The following AK5 variants were observed in gnomAD, a reference collection of about 807,000 sequenced individuals.
AK5 encodes adenylate kinase isoenzyme 5.
Under a neutral mutation model 69.5 loss-of-function variants are expected in AK5, and 27 were observed. The observed-to-expected ratio is 0.39, with a 90% CI of 0.29 to 0.54. The LOEUF (loss-of-function observed/expected upper bound fraction) is 0.54. Ranked by LOEUF, AK5 falls within the 20% of genes least tolerant of loss-of-function variation. AK5 has a pLI of 0.71. For missense variants in AK5, 531 were observed against 700.4 expected, an observed-to-expected ratio of 0.76 and a Z score of 2.73; for synonymous variants, 260 against 244.4, an observed-to-expected ratio of 1.06 and a Z score of -0.60.
At chr1:77,338,057 C>T (rs957356967) in intron 5 of AK5, among the ~76,000 whole-genome samples, 4 of 151,876 alleles carry the variant, frequency 2.6e-5, no homozygotes, top group Admixed American at 1.3e-4. Context: ...CTCCGCTTCC[C>T]GGGTTCAAGT....
intron 5 of AK5, among the ~76,000 whole-genome samples, chr1:77,315,317 T>A (rs773893245): frequency 3.3e-5 from 5 of 152,136 alleles, no homozygotes; most frequent in African/African-American, 4.8e-5. Context: ...CATACTTTTT[T>A]GGTCATGCAT....
chr1:77,355,546 C>G (rs1179286389), intron 6 of AK5, among the ~76,000 whole-genome samples: 1 of 152,114 alleles, frequency 6.6e-6, no homozygotes, highest in African/African-American at 2.4e-5. Context: ...ACCTCATCAC[C>G]CTGTCTTGAC....
chr1:77,347,731 C>G (rs1661985729), intron 6 of AK5, among the ~76,000 whole-genome samples: 1 of 152,174 alleles, frequency 6.6e-6, no homozygotes, highest in Non-Finnish European at 1.5e-5. Flanking sequence ...CATCCACTGT[C>G]CTGGGCAGCA....
intron 5 of AK5, among the ~76,000 whole-genome samples, chr1:77,316,471 A>G (rs1328589346): frequency 6.6e-6 from 1 of 152,148 alleles, no homozygotes; most frequent in Non-Finnish European, 1.5e-5. Context: ...AACTAGATAA[A>G]TATGGTTTTT....
intron 12 of AK5, among the ~76,000 whole-genome samples, chr1:77,531,752 G>A (rs1570320001): frequency 6.6e-6 from 1 of 151,064 alleles, no homozygotes; most frequent in South Asian, 2.1e-4. Flanking sequence ...CCAGTCCCGC[G>A]CCCTGCGCCC....
At chr1:77,444,278 C>T (rs1325966085) in intron 8 of AK5, among the ~76,000 whole-genome samples, 4 of 42,690 alleles carry the variant, frequency 9.4e-5, no homozygotes, top group East Asian at 8.9e-4. Context: ...AGTATATATA[C>T]ACAACATATG....
In AK5 at chr1:77,512,210, C is replaced by T. The variant is rs550545332; in HGVS notation, c.1148-6354C>T. Among the ~76,000 whole-genome samples, 7 of 152,224 alleles carry T rather than the reference C, an allele frequency of 4.6e-5. No homozygotes were observed. The East Asian group carries it at 7.7e-4, about 17-fold the overall frequency. ...AACTAGATACGTATATCTTCACATACGCTGTCACATATATACGTATGTGTG... is the reference window on the plus strand; with the variant it reads ...AACTAGATACGTATATCTTCACATATGCTGTCACATATATACGTATGTGTG... On this transcript the variant is annotated intron_variant, in intron 10 of 13. Coordinates refer to ENST00000354567, the MANE Select transcript of AK5 (RefSeq NM_174858.3).
intron 8 of AK5, among the ~76,000 whole-genome samples, chr1:77,446,971 G>A (rs1378695713): frequency 6.6e-6 from 1 of 152,184 alleles, no homozygotes; most frequent in Non-Finnish European, 1.5e-5. Flanking sequence ...GGAATGGCCG[G>A]GTTTGCCTCC....
chr1:77,327,475 G>T (rs760572796), intron 5 of AK5, among the ~76,000 whole-genome samples: 12 of 151,842 alleles, frequency 7.9e-5, no homozygotes, highest in Middle Eastern at 3.2e-3. Flanking sequence ...TCTCTGCAGT[G>T]ATTTTTCCTG....
chr1:77,284,884 C>T (rs1003418667), intron 1 of AK5, among the ~76,000 whole-genome samples: 7 of 152,120 alleles, frequency 4.6e-5, no homozygotes, highest in South Asian at 2.1e-4. Flanking sequence ...TGTTTAAGGA[C>T]GCTGGAAATG....
chr1:77,437,349 G>A (rs913339545), intron 8 of AK5, among the ~76,000 whole-genome samples: 3 of 151,964 alleles, frequency 2.0e-5, no homozygotes, highest in Admixed American at 6.6e-5. Flanking sequence ...TGAATACATC[G>A]AAGCAGATTC....
chr1:77,533,509 C>CAAAAAAAAAAAAAAAAAA (rs10526328), intron 12 of AK5, among the ~76,000 whole-genome samples: 2 of 94,972 alleles, frequency 2.1e-5, no homozygotes, highest in African/African-American at 1.0e-4. Flanking sequence ...ACTCTGTCAC[C>CAAAAAAAAAAAAAAAAAA]AAAAAAAAAA....
rs1003157197 is a variant in AK5, at chr1:77,283,654, A to C, written c.60+1281A>C. The C allele has an allele frequency of 3.6e-5, 35 of 977,418 alleles. No homozygotes were observed. The African/African-American group carries it at 5.6e-4, about 16-fold the overall frequency. The allele number at this position is 977,418 out of a possible 1,614,324, so 60.5% of individuals were successfully genotyped here. On this transcript the variant is annotated intron_variant, in intron 1 of 13. Coordinates refer to ENST00000354567, the MANE Select transcript of AK5 (RefSeq NM_174858.3). ...CTCAAGCGTGGTATGTGAAGCCCAA[A>C]TCTAGCAAATGTGTTACTCCTGCGT...
At chr1:77,389,928 C>T (rs1648307736) in intron 6 of AK5, among the ~76,000 whole-genome samples, 1 of 151,904 alleles carries the variant, frequency 6.6e-6, no homozygotes, top group African/African-American at 2.4e-5. Flanking sequence ...CACCACTGCA[C>T]TCCAAGTTGG....
At chr1:77,361,548 A>G (rs1297370508) in intron 6 of AK5, among the ~76,000 whole-genome samples, 1 of 152,226 alleles carries the variant, frequency 6.6e-6, no homozygotes. Flanking sequence ...CAACTTATAC[A>G]AAGTTGTGTG....
rs139378577 is a variant in AK5, at chr1:77,535,900, C to G, written c.1482C>G (p.Thr494=). 383 of 1,614,034 alleles carry G rather than the reference C, an allele frequency of 2.4e-4. No homozygotes were observed. The Middle Eastern group carries it at 3.8e-3, about 16-fold the overall frequency. The change falls in exon 13 of 14, where the codon ACC becomes ACG. Residue 494 remains threonine, a synonymous_variant. Transcript: ENST00000354567. Reference sequence around the variant, plus strand: ...TGGACTGCTCGGCAGACACCATGACCAACCGCCTTCTCCAAAGGAGCCGGA... The same window carrying G: ...TGGACTGCTCGGCAGACACCATGACGAACCGCCTTCTCCAAAGGAGCCGGA... The part of the protein sequence containing the change: ...ICMDCSADTM[T]NRLLQRSRSS...
chr1:77,376,451 C>CAAAAAAAAAAAAAAAAAAAAAA (rs762576175), intron 6 of AK5, among the ~76,000 whole-genome samples: 1 of 41,036 alleles, frequency 2.4e-5, no homozygotes, highest in African/African-American at 9.0e-5. Flanking sequence ...AAAAAAAAAA[C>CAAAAAAAAAAAAAAAAAAAAAA]AAAAAAAAAA....
chr1:77,413,174 C>T (rs897421925), intron 7 of AK5, among the ~76,000 whole-genome samples: 3 of 152,110 alleles, frequency 2.0e-5, no homozygotes, highest in South Asian at 4.1e-4. Flanking sequence ...CCCTCCCCAA[C>T]GTCACTGGCA....
intron 2 of AK5, among the ~76,000 whole-genome samples, chr1:77,290,153 A>G (rs1658605871): frequency 6.6e-6 from 1 of 152,212 alleles, no homozygotes; most frequent in Non-Finnish European, 1.5e-5. Flanking sequence ...TATGGTGGTA[A>G]GAATGTTGCA....
Sources: allele counts gnomAD v4.1 joint callset (sites outside exome capture counted in the v4.1 genomes callset), GRCh38; gene constraint gnomAD v4.1.1; transcripts MANE v1.5; gene names NCBI Gene and HGNC (gene_info 2026-07-23, HGNC 2026-07-21).